NLRP14: variants seen among roughly 807,000 people sequenced by gnomAD.
NLRP14 encodes the protein NACHT, LRR and PYD domains-containing protein 14.
NLRP14 carries 105 observed loss-of-function variants against 94.7 expected under a neutral mutation model. That is an observed-to-expected ratio of 1.11 (90% CI 0.95 to 1.30). The LOEUF (loss-of-function observed/expected upper bound fraction) is 1.30. Among genes scored for constraint, NLRP14 ranks in the 50% most tolerant of loss-of-function variants. The probability of loss-of-function intolerance (pLI) is 0.00; values close to 1 mark genes in which losing one functional copy is unlikely to be tolerated. For synonymous variants in NLRP14, 508 were observed against 459.9 expected, an observed-to-expected ratio of 1.10 and a Z score of -1.34; for missense variants, 1,362 against 1,254.1, an observed-to-expected ratio of 1.09 and a Z score of -1.30.
downstream of NLRP14, among the ~76,000 whole-genome samples, chr11:7,074,508 G>A (rs1852849087): frequency 6.6e-6 from 1 of 152,196 alleles, no homozygotes; most frequent in South Asian, 2.1e-4. Context: ...GCTGCCCAAG[G>A]AAAACTCCAA....
intron 6 of NLRP14, 37 bp from the exon 7 acceptor site, chr11:7,057,639 AG>A: frequency 6.3e-7 from 1 of 1,586,174 alleles, no homozygotes. Context: ...TTATTCTCTA[AG>A]GAGTGGTCAT....
chr11:7,027,806 G>A (rs529892129), intron 1 of NLRP14, among the ~76,000 whole-genome samples: 4 of 152,200 alleles, frequency 2.6e-5, no homozygotes, highest in East Asian at 3.9e-4. Context: ...GTCTCATCTC[G>A]TTCTATCAGC....
At position 7,046,661 on chromosome 11, in the gene NLRP14, T is replaced by C. The variant is rs1382872522; in HGVS notation, c.1959-7T>C. On this transcript the variant is annotated splice_region_variant and splice_polypyrimidine_tract_variant and intron_variant, in intron 4 of 11. Coordinates refer to ENST00000299481, the MANE Select transcript of NLRP14 (RefSeq NM_176822.4). The stretch of plus-strand genomic sequence containing the variant: ...TTGTTTTTCTTTTCTCAATTATTTA[T>C]GCAAAGGGATGGTGATCGCATTACT... The C allele has an allele frequency of 1.9e-6, 3 of 1,611,952 alleles. No homozygotes were observed. The African/African-American group carries it at 4.0e-5, about 22-fold the overall frequency.
At position 7,042,693 on chromosome 11, in the gene NLRP14, C is replaced by G; in HGVS notation, c.667C>G (p.Gln223Glu). 1 of 1,614,128 alleles carries G rather than the reference C, an allele frequency of 6.2e-7. No individual in the cohort carries two copies. The highest frequency in any genetic ancestry group is 8.5e-7 in the Non-Finnish European group (1 of 1,179,990). The change falls in exon 4 of 12, where the codon CAG (glutamine) becomes GAG (glutamate). Residue 223 changes from glutamine (Q) to glutamate (E), a missense_variant. By Grantham distance (29) the Gln-to-Glu change is conservative. Coordinates refer to ENST00000299481, the MANE Select transcript of NLRP14 (RefSeq NM_176822.4). The part of the protein sequence containing the change: ...VFYLNGREIN[Q>E]LKERSFAQLI... ...TTATCTCAATGGGAGAGAAATTAAC[C>G]AGCTGAAAGAGAGAAGCTTTGCTCA...
chr11:7,026,821 G>A (rs377442090), intron 1 of NLRP14, among the ~76,000 whole-genome samples: 46 of 131,758 alleles, frequency 3.5e-4, no homozygotes, highest in African/African-American at 1.3e-3. Context: ...GGGGGTAGGG[G>A]GAGGGGGGAG....
chr11:7,043,593 C>T lies in NLRP14; in HGVS notation c.1567C>T (p.Pro523Ser), dbSNP rs1852303784. The change falls in exon 4 of 12, where the codon CCC becomes TCC. Residue 523 changes from proline (P) to serine (S), a missense_variant. Coordinates refer to ENST00000299481, the MANE Select transcript of NLRP14 (RefSeq NM_176822.4). ...SLLQSTSYKD[P>S]HLTQMKCFLF... is the part of the protein sequence containing the mutation. Reference sequence around the variant, plus strand: ...ACTTCAAAGCACAAGTTATAAAGACCCCCATTTGACACAGATGAAGTGCTT... The same window carrying T: ...ACTTCAAAGCACAAGTTATAAAGACTCCCATTTGACACAGATGAAGTGCTT... The T allele has an allele frequency of 6.2e-7, 1 of 1,613,984 alleles. No individual in the cohort carries two copies. Among genetic ancestry groups the T allele is most frequent in the Non-Finnish European group, 8.5e-7 (1 of 1,180,024 alleles).
At chr11:7,060,134 G>A (rs1330242311) in intron 9 of NLRP14, 70 bp downstream of exon 9, 1 of 1,325,278 alleles carries the variant, frequency 7.5e-7, no homozygotes, top group Non-Finnish European at 1.1e-6. Context: ...CTGAAAGAAA[G>A]GCTGAGAACC....
intron 4 of NLRP14, 116 bp from the exon 5 acceptor site, chr11:7,046,552 G>A: frequency 3.2e-6 from 3 of 944,210 alleles, no homozygotes; most frequent in Non-Finnish European, 5.1e-6. Context: ...GAGCTGCACT[G>A]GATGCTCTTG....
the NLRP14 span, chr11:7,089,097 T>A: frequency 3.7e-6 from 6 of 1,608,160 alleles, no homozygotes; most frequent in Non-Finnish European, 5.1e-6. Context: ...CCACCGCCAC[T>A]GACCGACCGT....
In NLRP14 at chr11:7,026,918, A is replaced by T. The variant is rs190254876; in HGVS notation, c.-22+6148A>T. 1.6e-4 allele frequency among the ~76,000 whole-genome samples: 25 copies of T among 152,158 alleles called. No homozygotes were observed. The East Asian group carries it at 2.1e-3, about 13-fold the overall frequency. On this transcript the variant is annotated intron_variant, in intron 1 of 11. Transcript: ENST00000299481. ...ATGGCACATGTATACGTATGTAACTAACCTGCACATTATGCACATATACCC... is the reference window on the plus strand; with the variant it reads ...ATGGCACATGTATACGTATGTAACTTACCTGCACATTATGCACATATACCC...
chr11:7,084,568 G>A, the NLRP14 span, among the ~76,000 whole-genome samples: 11 of 152,220 alleles, frequency 7.2e-5, no homozygotes, highest in Non-Finnish European at 1.6e-4. Context: ...TGGCTTTGGA[G>A]AGCTTCCAGG....
chr11:7,085,187 A>T, the NLRP14 span, among the ~76,000 whole-genome samples: 714 of 152,330 alleles, frequency 4.7e-3, 7 homozygotes, highest in African/African-American at 0.016. Flanking sequence ...TAAAATACAT[A>T]TAACATGGTG....
chr11:7,044,801 T>C (rs16921745), intron 4 of NLRP14, among the ~76,000 whole-genome samples: 21,680 of 151,566 alleles, frequency 0.14, 1,824 homozygotes, highest in African/African-American at 0.23. Flanking sequence ...TTAATGTTGT[T>C]GGCAACCATC....
rs1245579547 is a variant in NLRP14 at position 7,043,795 on chromosome 11, A to T, written c.1769A>T (p.Gln590Leu). 3 of 1,614,196 alleles carry T rather than the reference A, an allele frequency of 1.9e-6. No individual in the cohort carries two copies. Among genetic ancestry groups the T allele is most frequent in the Middle Eastern group, 1.6e-4 (1 of 6,062 alleles). Reference sequence around the variant, plus strand: ...TTGTTTCACTGTCTGTATGAGACTCAAGATAAAGCGTTTATAAGCCAGGCA... The same window carrying T: ...TTGTTTCACTGTCTGTATGAGACTCTAGATAAAGCGTTTATAAGCCAGGCA... Reference protein sequence around the residue: ...LELFHCLYETQDKAFISQAMR... With the variant: ...LELFHCLYETLDKAFISQAMR... Residue 590 changes from glutamine (Q) to leucine (L), a missense_variant, in exon 4 of 12, where the codon CAA (glutamine) becomes CTA (leucine). Physicochemically the swap from Gln to Leu is moderately radical, Grantham distance 113. Transcript: ENST00000299481.
At chr11:7,072,554 C>T (rs1052472471), downstream of NLRP14, among the ~76,000 whole-genome samples, 4 of 152,220 alleles carry the variant, frequency 2.6e-5, no homozygotes, top group African/African-American at 9.6e-5. Flanking sequence ...AGGCTCTTCT[C>T]CCCTGTTGAT....
In NLRP14 at chr11:7,038,816, A is replaced by G. The variant is rs774018512; in HGVS notation, c.230A>G (p.Lys77Arg). 5.0e-6 allele frequency: 8 copies of G among 1,613,056 alleles called. No individual in the cohort carries two copies. The South Asian group carries it at 7.7e-5, about 16-fold the overall frequency. Reference protein sequence around the residue: ...PGEKAWSVSLKIFGKMNLKDL... With the variant: ...PGEKAWSVSLRIFGKMNLKDL... Reference sequence around the variant, plus strand: ...GAGAAAGCCTGGAGTGTGTCTCTCAAAATCTTTGGCAAGATGAACCTGAAG... The same window carrying G: ...GAGAAAGCCTGGAGTGTGTCTCTCAGAATCTTTGGCAAGATGAACCTGAAG... Residue 77 changes from lysine (K) to arginine (R), a missense_variant, in exon 2 of 12, where the codon AAA becomes AGA. Physicochemically the swap from Lys to Arg is conservative, Grantham distance 26. Coordinates refer to ENST00000299481, the MANE Select transcript of NLRP14 (RefSeq NM_176822.4).
chr11:7,054,356 A>G (rs1214618497), intron 6 of NLRP14, among the ~76,000 whole-genome samples: 2 of 151,996 alleles, frequency 1.3e-5, no homozygotes, highest in African/African-American at 2.4e-5. Flanking sequence ...CGGTAGCTCT[A>G]GTTTTGGTTT....
chr11:7,031,970 T>C (rs1852105133), intron 1 of NLRP14, among the ~76,000 whole-genome samples: 1 of 152,210 alleles, frequency 6.6e-6, no homozygotes, highest in South Asian at 2.1e-4. Flanking sequence ...CCACTCCCTC[T>C]ACTCCAGCAG....
Position 7,060,188 on chromosome 11 carries a change from CTCTT to C in NLRP14, c.2804+125_2804+128del, listed in dbSNP as rs138550484. ...AGAATATAAAGCTGATTTTCCCTCT[CTCTT>C]CTGCCTGAGACAAGCTGGGGAAGTC... On this transcript the variant is annotated intron_variant, in intron 9 of 11. Coordinates refer to ENST00000299481, the MANE Select transcript of NLRP14 (RefSeq NM_176822.4). 64,750 of 878,036 alleles carry C rather than the reference CTCTT, an allele frequency of 0.074. 2,844 individuals carry two copies. Among genetic ancestry groups the C allele is most frequent in the South Asian group, 0.14 (10,090 of 74,162 alleles). 54.4% of individuals were successfully genotyped at this position (878,036 alleles called of 1,614,324 possible). A position where few individuals can be genotyped will look rare whatever the true frequency, so the allele number is the denominator to read the frequency against.
Sources: allele counts gnomAD v4.1 joint callset (sites outside exome capture counted in the v4.1 genomes callset), GRCh38; gene constraint gnomAD v4.1.1; transcripts MANE v1.5; gene names NCBI Gene and HGNC (gene_info 2026-07-23, HGNC 2026-07-21).